RXFP2: variants seen among roughly 807,000 people sequenced by gnomAD.
The protein encoded by RXFP2 is relaxin receptor 2.
RXFP2 carries 68 observed loss-of-function variants against 88.6 expected under a neutral mutation model. The observed-to-expected ratio is 0.77, with a 90% CI of 0.63 to 0.94. The LOEUF is 0.94. Ranked by LOEUF, RXFP2 falls within the 40% of genes least tolerant of loss-of-function variation. The probability of loss-of-function intolerance (pLI) is 0.00; values close to 1 mark genes in which losing one functional copy is unlikely to be tolerated. For missense variants in RXFP2, 791 were observed against 893.9 expected (o/e 0.88, Z 1.47); for synonymous variants, 329 against 306.8 (o/e 1.07, Z -0.76).
rs1348182735 is a variant in RXFP2, at chr13:31,739,795, T to A, written c.94+89T>A. 6 of 851,730 alleles carry A rather than the reference T, an allele frequency of 7.0e-6. No homozygotes were observed. The Admixed American group carries it at 9.7e-5, about 14-fold the overall frequency. The allele number at this position is 851,730 out of a possible 1,614,324, so 52.8% of individuals were successfully genotyped here. A position where few individuals can be genotyped will look rare whatever the true frequency, so the allele number is the denominator to read the frequency against. The stretch of plus-strand genomic sequence containing the variant: ...TCTATGGCAGTTGTAATAAATATAT[T>A]GGGGTGTTTAAAAAAAAAACAGACA... On this transcript the variant is annotated intron_variant, in intron 1 of 17. Coordinates refer to ENST00000298386, the MANE Select transcript of RXFP2 (RefSeq NM_130806.5).
At position 31,792,011 on chromosome 13, in the gene RXFP2, G is replaced by A. The variant is rs371240078; in HGVS notation, c.1351G>A (p.Ala451Thr). Residue 451 changes from alanine to threonine, a missense_variant, in exon 15 of 18, where the codon GCT becomes ACT. By Grantham distance (58) the Ala-to-Thr change is moderately conservative. Coordinates refer to ENST00000298386, the MANE Select transcript of RXFP2 (RefSeq NM_130806.5). ...CATTAAAGCTGAAAATACAACTCAC[G>A]CTATGTCCATCAAAATCCTTTGTTG... is the stretch of plus-strand genomic sequence containing the variant. Reference protein sequence around the residue: ...SFIKAENTTHAMSIKILCCAD... With the variant: ...SFIKAENTTHTMSIKILCCAD... 231 of 1,612,958 alleles carry A rather than the reference G, an allele frequency of 1.4e-4. 1 individual carries two copies. Among genetic ancestry groups the A allele is most frequent in the Admixed American group, 5.8e-4 (35 of 60,018 alleles).
chr13:31,788,644 T>C (rs1007321839), intron 13 of RXFP2, among the ~76,000 whole-genome samples: 1 of 152,176 alleles, frequency 6.6e-6, no homozygotes, highest in Non-Finnish European at 1.5e-5. Flanking sequence ...ACTCCTGAAT[T>C]GGAGTTCCTC....
chr13:31,763,331 C>T (rs1053959426), intron 3 of RXFP2, among the ~76,000 whole-genome samples: 1 of 152,102 alleles, frequency 6.6e-6, no homozygotes, highest in African/African-American at 2.4e-5. Flanking sequence ...GCAGTCCACC[C>T]ATCTCAGCCC....
rs1566235691 is a variant in RXFP2 at position 31,791,920 on chromosome 13, A to G, written c.1260A>G (p.Ile420Met). 2 of 1,614,116 alleles carry G rather than the reference A, an allele frequency of 1.2e-6. No homozygotes were observed. Among genetic ancestry groups the G allele is most frequent in the Non-Finnish European group, 1.7e-6 (2 of 1,179,980 alleles). The change falls in exon 15 of 18, where the codon ATA becomes ATG. Residue 420 changes from isoleucine to methionine, a missense_variant. Transcript: ENST00000298386. ...EDLLANNILR[I>M]FVWVIAFITC... is the part of the protein sequence containing the mutation. Reference sequence around the variant, plus strand: ...TCTTGGCTAACAATATCCTCAGAATATTTGTCTGGGTTATAGCTTTCATTA... The same window carrying G: ...TCTTGGCTAACAATATCCTCAGAATGTTTGTCTGGGTTATAGCTTTCATTA...
intron 11 of RXFP2, among the ~76,000 whole-genome samples, chr13:31,784,980 A>C (rs920955299): frequency 6.6e-6 from 1 of 152,192 alleles, no homozygotes; most frequent in Non-Finnish European, 1.5e-5. Flanking sequence ...CAGAATAATC[A>C]TTCCATAACC....
At chr13:31,789,540 G>A (rs923717317) in intron 14 of RXFP2, among the ~76,000 whole-genome samples, 4 of 152,188 alleles carry the variant, frequency 2.6e-5, no homozygotes, top group Admixed American at 2.6e-4. Context: ...GCAGTCGGCT[G>A]CTCTAAGATT....
At chr13:31,787,250 T>G (rs1320708018) in intron 13 of RXFP2, among the ~76,000 whole-genome samples, 1 of 152,240 alleles carries the variant, frequency 6.6e-6, no homozygotes, top group African/African-American at 2.4e-5. Context: ...CTACGCTGCC[T>G]GACTGCAGCC....
intron 11 of RXFP2, among the ~76,000 whole-genome samples, chr13:31,786,169 TAGGAAC>T (rs1049015629): frequency 3.9e-5 from 6 of 152,180 alleles, no homozygotes; most frequent in African/African-American, 1.4e-4. Flanking sequence ...AAATTCCAGA[TAGGAAC>T]TGGACGAGCA....
chr13:31,781,754 A>G lies in RXFP2; in HGVS notation c.857+12A>G. ...TCGCTCACAGTGCTGTAAGTATACA[A>G]TGGACTTCACTAAATGAGGGGAAAC... On this transcript the variant is annotated intron_variant, in intron 10 of 17. Coordinates refer to ENST00000298386, the MANE Select transcript of RXFP2 (RefSeq NM_130806.5). 1 of 1,594,022 alleles carries G rather than the reference A, an allele frequency of 6.3e-7. No homozygotes were observed. Among genetic ancestry groups the G allele is most frequent in the Non-Finnish European group, 8.6e-7 (1 of 1,162,264 alleles).
At chr13:31,756,153 A>G (rs1871936279) in intron 1 of RXFP2, among the ~76,000 whole-genome samples, 1 of 152,206 alleles carries the variant, frequency 6.6e-6, no homozygotes, top group African/African-American at 2.4e-5. Context: ...TTAACAAATG[A>G]CATCATTTGT....
intron 11 of RXFP2, among the ~76,000 whole-genome samples, chr13:31,783,788 G>C (rs1873393398): frequency 8.1e-6 from 1 of 123,818 alleles, no homozygotes; most frequent in Non-Finnish European, 1.7e-5. Flanking sequence ...AGGACAAACA[G>C]AGGGGTTTTT....
intron 1 of RXFP2, among the ~76,000 whole-genome samples, chr13:31,744,700 A>G (rs779833918): frequency 1.6e-5 from 2 of 127,522 alleles, no homozygotes; most frequent in African/African-American, 2.9e-5. Flanking sequence ...TTTCTATTCA[A>G]TTGCTAGGTT....
intron 5 of RXFP2, among the ~76,000 whole-genome samples, chr13:31,767,730 A>T (rs148324960): frequency 2.0e-4 from 30 of 152,340 alleles, no homozygotes; most frequent in African/African-American, 6.7e-4. Flanking sequence ...AATTAGAGCC[A>T]ATGTCTTCTG....
At chr13:31,776,398 C>T (rs933168420) in intron 7 of RXFP2, among the ~76,000 whole-genome samples, 1 of 150,726 alleles carries the variant, frequency 6.6e-6, no homozygotes, top group South Asian at 2.1e-4. Flanking sequence ...TGGGACTACA[C>T]GTGTGAGCCA....
intron 1 of RXFP2, 82 bp from the exon 2 acceptor site, chr13:31,758,176 A>G (rs1371169429): frequency 2.1e-6 from 3 of 1,406,344 alleles, no homozygotes; most frequent in African/African-American, 2.8e-5. Flanking sequence ...CAACTCATAT[A>G]GCTCTTGTGA....
chr13:31,756,124 A>G (rs565609160), intron 1 of RXFP2, among the ~76,000 whole-genome samples: 1 of 152,278 alleles, frequency 6.6e-6, no homozygotes, highest in South Asian at 2.1e-4. Flanking sequence ...TTTGTTGCCT[A>G]AACTCCAACC....
chr13:31,741,932 G>C (rs976663344), intron 1 of RXFP2, among the ~76,000 whole-genome samples: 1 of 151,862 alleles, frequency 6.6e-6, no homozygotes, highest in Non-Finnish European at 1.5e-5. Context: ...ATTTCAACCT[G>C]TTGAAATATG....
intron 5 of RXFP2, among the ~76,000 whole-genome samples, chr13:31,768,936 G>T (rs986099456): frequency 1.3e-5 from 2 of 152,280 alleles, no homozygotes; most frequent in Admixed American, 1.3e-4. Context: ...CCCAGGAAGG[G>T]ATGTCAGTTG....
chr13:31,772,790 A>G (rs1872779520), intron 5 of RXFP2, among the ~76,000 whole-genome samples: 3 of 152,222 alleles, frequency 2.0e-5, no homozygotes, highest in Non-Finnish European at 4.4e-5. Flanking sequence ...TACACATCAG[A>G]TGAGTTGTGT....
Sources: gnomAD v4.1 joint callset for allele counts (sites outside exome capture counted in the v4.1 genomes callset) on GRCh38, gnomAD v4.1.1 for gene constraint, MANE v1.5 for transcripts, NCBI Gene and HGNC (gene_info 2026-07-23, HGNC 2026-07-21) for gene names.